ADARB2: variants seen among roughly 807,000 people sequenced by gnomAD.
The protein encoded by ADARB2 is adenosine deaminase RNA specific B2 (inactive).
In ADARB2, 25 loss-of-function variants were observed where a neutral mutation model predicts 62.2. The ratio of observed to expected loss-of-function variants is 0.40; its 90% CI spans 0.29 to 0.56. The LOEUF (loss-of-function observed/expected upper bound fraction) is 0.56, where lower values mean the gene tolerates loss of function less well. Among genes scored for constraint, ADARB2 ranks in the 20% least tolerant of loss-of-function variants. The pLI is 0.43. For missense variants in ADARB2, 1,071 were observed against 1,077.4 expected (o/e 0.99, Z 0.08); for synonymous variants, 572 against 500.8 (o/e 1.14, Z -1.90).
intron 1 of ADARB2, among the ~76,000 whole-genome samples, chr10:1,467,638 T>C (rs1365173878): frequency 2.6e-5 from 4 of 152,130 alleles, no homozygotes; most frequent in Non-Finnish European, 5.9e-5. Flanking sequence ...CACGGACTAT[T>C]AACTGGTCGA....
rs1179082591 is a variant in ADARB2, at chr10:1,233,814, A to G, written c.1393T>C (p.Phe465Leu). ...KRREDSERSI[F>L]VRLKEGGYRL... ...TAGCCACCTTCTTTTAACCGCACGA[A>G]TATCGATCGCTCTGAGTCCTCGCGC... is the stretch of plus-strand genomic sequence containing the variant. The change falls in exon 6 of 10, where the codon TTC becomes CTC. Residue 465 changes from phenylalanine (F) to leucine (L), a missense_variant. Phe to Leu is a conservative substitution (Grantham distance 22). Coordinates refer to ENST00000381312, the MANE Select transcript of ADARB2 (RefSeq NM_018702.4). The G allele has an allele frequency of 1.1e-5, 17 of 1,614,058 alleles. No homozygotes were observed. The highest frequency in any genetic ancestry group is 1.4e-5 in the Non-Finnish European group (17 of 1,180,004).
chr10:1,698,590 T>C (rs1164817139), intron 1 of ADARB2, among the ~76,000 whole-genome samples: 1 of 151,952 alleles, frequency 6.6e-6, no homozygotes, highest in Admixed American at 6.6e-5. Context: ...GAGAGACGCA[T>C]AGGAGTAAAA....
At chr10:1,548,997 T>C (rs1462075696) in intron 1 of ADARB2, among the ~76,000 whole-genome samples, 1 of 152,190 alleles carries the variant, frequency 6.6e-6, no homozygotes, top group African/African-American at 2.4e-5. Flanking sequence ...GTCATTGTTC[T>C]TGAATTAAGC....
intron 5 of ADARB2, among the ~76,000 whole-genome samples, chr10:1,235,347 G>A (rs564359338): frequency 9.9e-5 from 11 of 110,692 alleles, no homozygotes; most frequent in African/African-American, 3.9e-4. Flanking sequence ...CCTCTCTGAT[G>A]GTGAATGATT....
chr10:1,189,210 T>G (rs1836805094), intron 8 of ADARB2, among the ~76,000 whole-genome samples: 1 of 152,124 alleles, frequency 6.6e-6, no homozygotes, highest in South Asian at 2.1e-4. Context: ...ACTTGGTTTC[T>G]CAGGAGCCTT....
chr10:1,256,825 G>A (rs1039061342), intron 4 of ADARB2, among the ~76,000 whole-genome samples: 10 of 152,084 alleles, frequency 6.6e-5, no homozygotes, highest in Non-Finnish European at 5.9e-5. Context: ...CTCCTCATTT[G>A]CATTGGGCTG....
chr10:1,258,178 A>C (rs916508505), intron 4 of ADARB2, among the ~76,000 whole-genome samples: 1 of 151,560 alleles, frequency 6.6e-6, no homozygotes, highest in African/African-American at 2.4e-5. Context: ...CTCTTTCTTA[A>C]GTGTGCTTAA....
chr10:1,347,206 T>G (rs1478966201), intron 3 of ADARB2, among the ~76,000 whole-genome samples: 1 of 152,232 alleles, frequency 6.6e-6, no homozygotes, highest in East Asian at 1.9e-4. Flanking sequence ...GGAGCTCGTC[T>G]GGATTTTCCC....
At chr10:1,333,656 G>A (rs1831948551) in intron 3 of ADARB2, among the ~76,000 whole-genome samples, 2 of 152,138 alleles carry the variant, frequency 1.3e-5, no homozygotes, top group South Asian at 4.1e-4. Context: ...CAGAAAGGAG[G>A]CTGGGGAAAG....
chr10:1,374,556 G>A (rs1262735280), intron 2 of ADARB2, among the ~76,000 whole-genome samples: 1 of 152,220 alleles, frequency 6.6e-6, no homozygotes, highest in African/African-American at 2.4e-5. Flanking sequence ...CTAGGCTGCT[G>A]TCTTTCAAAG....
At chr10:1,648,782 C>T (rs769007866) in intron 1 of ADARB2, among the ~76,000 whole-genome samples, 3 of 152,060 alleles carry the variant, frequency 2.0e-5, no homozygotes, top group African/African-American at 4.8e-5. Context: ...GTTAACTGAG[C>T]GTGTTTTAGA....
At chr10:1,283,976 G>A (rs558111757) in intron 3 of ADARB2, among the ~76,000 whole-genome samples, 2 of 152,356 alleles carry the variant, frequency 1.3e-5, no homozygotes, top group East Asian at 3.9e-4. Flanking sequence ...AGAACAAAGA[G>A]TAGATCAGTC....
intron 1 of ADARB2, among the ~76,000 whole-genome samples, chr10:1,548,244 C>A (rs959406920): frequency 6.6e-6 from 1 of 152,172 alleles, no homozygotes; most frequent in Non-Finnish European, 1.5e-5. Flanking sequence ...AGCCCATTCC[C>A]GCAACTCACT....
At chr10:1,571,755 C>G (rs1418722277) in intron 1 of ADARB2, among the ~76,000 whole-genome samples, 1 of 141,624 alleles carries the variant, frequency 7.1e-6, no homozygotes, top group Non-Finnish European at 1.5e-5. Flanking sequence ...GGTGAGTGTG[C>G]AGGTGAGTGG....
intron 1 of ADARB2, among the ~76,000 whole-genome samples, chr10:1,507,733 A>G (rs1189206847): frequency 6.6e-6 from 1 of 152,090 alleles, no homozygotes; most frequent in African/African-American, 2.4e-5. Context: ...GCTTGTTGTG[A>G]GTCCTAAGTG....
chr10:1,640,351 G>T (rs1188006208), intron 1 of ADARB2, among the ~76,000 whole-genome samples: 2 of 152,194 alleles, frequency 1.3e-5, no homozygotes, highest in Non-Finnish European at 2.9e-5. Context: ...TTCCTGTCCA[G>T]TATGAGAATC....
intron 1 of ADARB2, among the ~76,000 whole-genome samples, chr10:1,595,415 G>A (rs1833319878): frequency 6.6e-6 from 1 of 152,134 alleles, no homozygotes; most frequent in African/African-American, 2.4e-5. Context: ...TCACCCCAGG[G>A]CACTGGCTAA....
chr10:1,661,005 G>A (rs997985676), intron 1 of ADARB2, among the ~76,000 whole-genome samples: 9 of 151,920 alleles, frequency 5.9e-5, no homozygotes, highest in African/African-American at 1.2e-4. Context: ...AGATAACCTC[G>A]TCTCCAAACA....
intron 1 of ADARB2, chr10:1,526,911 C>CA (rs1330816686): frequency 2.3e-6 from 1 of 425,602 alleles, no homozygotes. Context: ...TGAGTCCTGG[C>CA]ATAGAAACAT....
Sources: gnomAD v4.1 joint callset for allele counts (sites outside exome capture counted in the v4.1 genomes callset) on GRCh38, gnomAD v4.1.1 for gene constraint, MANE v1.5 for transcripts, NCBI Gene and HGNC (gene_info 2026-07-23, HGNC 2026-07-21) for gene names.